EXPH5: variants seen among roughly 807,000 people sequenced by gnomAD.
EXPH5 encodes the protein exophilin 5.
In EXPH5, 42 loss-of-function variants were observed where a neutral mutation model predicts 41.1. The ratio of observed to expected loss-of-function variants is 1.02; its 90% CI spans 0.80 to 1.32. The LOEUF is 1.32. Among genes scored for constraint, EXPH5 ranks in the 40% most tolerant of loss-of-function variants. The pLI, the probability that EXPH5 is intolerant of heterozygous loss-of-function variation, is 0.00. For missense variants in EXPH5, 2,298 were observed against 2,314.5 expected, an observed-to-expected ratio of 0.99 and a Z score of 0.15; for synonymous variants, 798 against 833.5, an observed-to-expected ratio of 0.96 and a Z score of 0.73.
the EXPH5 span, among the ~76,000 whole-genome samples, chr11:108,600,340 C>G: frequency 6.6e-6 from 1 of 152,184 alleles, no homozygotes; most frequent in Non-Finnish European, 1.5e-5. Flanking sequence ...GTGGCTCCAA[C>G]TAAACCTGAA....
Position 108,510,258 on chromosome 11 carries a change from CT to C in EXPH5, c.5248del (p.Arg1750GlyfsTer3). The C allele has an allele frequency of 6.2e-7, 1 of 1,613,916 alleles. No homozygotes were observed. On this transcript the variant is annotated frameshift_variant, in exon 6 of 6. Coordinates refer to ENST00000265843, the MANE Select transcript of EXPH5 (RefSeq NM_015065.3). LOFTEE classifies it low-confidence loss of function (END_TRUNC). ...LREAEFSDNQ[R>X]RLSPPFPLEP... is the part of the protein sequence containing the mutation. ...CAGTGGAAAAGGAGGGCTCAGCCTC[CT>C]CTGATTGTCAGAGAATTCTGCTTCC...
chr11:108,581,986 G>A (rs1283736134), intron 1 of EXPH5, among the ~76,000 whole-genome samples: 3 of 152,116 alleles, frequency 2.0e-5, no homozygotes, highest in African/African-American at 7.2e-5. Flanking sequence ...CAAAGAAATT[G>A]AGCTCATAGT....
chr11:108,599,028 A>AG, the EXPH5 span, among the ~76,000 whole-genome samples: 2 of 150,950 alleles, frequency 1.3e-5, no homozygotes, highest in African/African-American at 2.4e-5. Context: ...CCTCCGGAAA[A>AG]AGAGACGGAG....
At chr11:108,543,040 T>C (rs1254718530) in intron 1 of EXPH5, among the ~76,000 whole-genome samples, 2 of 152,064 alleles carry the variant, frequency 1.3e-5, no homozygotes, top group Admixed American at 6.6e-5. Flanking sequence ...TCTTAGATAA[T>C]GAACTTCTTT....
chr11:108,591,306 G>T (rs955334695), intron 1 of EXPH5, among the ~76,000 whole-genome samples: 1 of 152,196 alleles, frequency 6.6e-6, no homozygotes, highest in Non-Finnish European at 1.5e-5. Context: ...AGGCAGCCAA[G>T]TTGCCATGTT....
At chr11:108,583,275 G>A (rs2094103869) in intron 1 of EXPH5, among the ~76,000 whole-genome samples, 1 of 151,824 alleles carries the variant, frequency 6.6e-6, no homozygotes, top group Non-Finnish European at 1.5e-5. Flanking sequence ...CCAAGTATTC[G>A]GGAGGCTGAG....
At chr11:108,580,616 T>G (rs1305967038) in intron 1 of EXPH5, among the ~76,000 whole-genome samples, 1 of 152,202 alleles carries the variant, frequency 6.6e-6, no homozygotes, top group Non-Finnish European at 1.5e-5. Flanking sequence ...CTATATTTAT[T>G]GCGGCACTAT....
chr11:108,511,067 C>T lies in EXPH5; in HGVS notation c.4440G>A (p.Gln1480=). 2 of 1,614,156 alleles carry T rather than the reference C, an allele frequency of 1.2e-6. No homozygotes were observed. Among genetic ancestry groups the T allele is most frequent in the Middle Eastern group, 1.6e-4 (1 of 6,062 alleles). ...CAATGTCCCCTCTGCCTTCCCTAGG[C>T]TGTGATCCACTGGAGCCATCACCTA... ...TAVGDGSSGS[Q]PREGRGDIGT... Residue 1480 remains glutamine, a synonymous_variant, in exon 6 of 6, where the codon CAG becomes CAA. Coordinates refer to ENST00000265843, the MANE Select transcript of EXPH5 (RefSeq NM_015065.3).
intron 1 of EXPH5, among the ~76,000 whole-genome samples, chr11:108,551,658 C>T (rs749589105): frequency 6.6e-6 from 1 of 152,120 alleles, no homozygotes; most frequent in Non-Finnish European, 1.5e-5. Context: ...GCACCCCAAT[C>T]TCTGTCAACC....
At chr11:108,606,297 G>A in the EXPH5 span, among the ~76,000 whole-genome samples, 3 of 152,102 alleles carry the variant, frequency 2.0e-5, no homozygotes, top group Non-Finnish European at 2.9e-5. Flanking sequence ...AGGCATGCCT[G>A]CCCAGACAGC....
intron 5 of EXPH5, 45 bp downstream of exon 5, chr11:108,518,189 CT>C: frequency 6.4e-7 from 1 of 1,567,872 alleles, no homozygotes; most frequent in Non-Finnish European, 8.7e-7. Context: ...TGTTTACTTC[CT>C]TTAGTTATCA....
chr11:108,514,200 G>A lies in EXPH5; in HGVS notation c.1307C>T (p.Ala436Val). Reference sequence around the variant, plus strand: ...GTTCTCAAAAGTGTCGGGACTCATTGCATTCTCCATGGGAGCATTTAAACT... The same window carrying A: ...GTTCTCAAAAGTGTCGGGACTCATTACATTCTCCATGGGAGCATTTAAACT... ...RVSLNAPMEN[A>V]MSPDTFENSE... The change falls in exon 6 of 6, where the codon GCA becomes GTA. Residue 436 changes from alanine to valine, a missense_variant. Coordinates refer to ENST00000265843, the MANE Select transcript of EXPH5 (RefSeq NM_015065.3). 2 of 1,614,184 alleles carry A rather than the reference G, an allele frequency of 1.2e-6. No individual in the cohort carries two copies. Among genetic ancestry groups the A allele is most frequent in the Non-Finnish European group, 1.7e-6 (2 of 1,180,012 alleles).
chr11:108,594,020 A>G (rs1440443780), upstream of EXPH5, among the ~76,000 whole-genome samples: 1 of 152,184 alleles, frequency 6.6e-6, no homozygotes, highest in East Asian at 1.9e-4. Context: ...GCAGAACTTG[A>G]GCTTGATTAG....
chr11:108,550,412 C>G (rs1434666036), intron 1 of EXPH5, among the ~76,000 whole-genome samples: 2 of 152,208 alleles, frequency 1.3e-5, no homozygotes, highest in African/African-American at 4.8e-5. Context: ...GCAACCCACC[C>G]AGCTGAGCCC....
chr11:108,520,723 T>G (rs563057437), intron 4 of EXPH5, among the ~76,000 whole-genome samples: 5 of 151,872 alleles, frequency 3.3e-5, no homozygotes, highest in Admixed American at 1.3e-4. Context: ...CACGCCACCA[T>G]GCCTGGCTAA....
intron 1 of EXPH5, among the ~76,000 whole-genome samples, chr11:108,569,875 T>C (rs924207268): frequency 1.3e-5 from 2 of 152,182 alleles, no homozygotes; most frequent in African/African-American, 4.8e-5. Context: ...TGTGAGGCAC[T>C]GGCAGGAGGG....
At chr11:108,590,166 A>G (rs1295133384) in intron 1 of EXPH5, among the ~76,000 whole-genome samples, 4 of 152,192 alleles carry the variant, frequency 2.6e-5, no homozygotes, top group Admixed American at 6.5e-5. Flanking sequence ...TCAACTTACA[A>G]CGTCACTAAC....
At chr11:108,589,737 T>C (rs2094122934) in intron 1 of EXPH5, among the ~76,000 whole-genome samples, 1 of 152,130 alleles carries the variant, frequency 6.6e-6, no homozygotes, top group Non-Finnish European at 1.5e-5. Flanking sequence ...CAAGAAATGG[T>C]TGTGAGGATT....
At chr11:108,544,491 A>G (rs960390402) in intron 1 of EXPH5, among the ~76,000 whole-genome samples, 4 of 152,208 alleles carry the variant, frequency 2.6e-5, no homozygotes, top group African/African-American at 4.8e-5. Context: ...AAAAATAATC[A>G]CAGTTCACTT....
Sources: gnomAD v4.1 joint callset for allele counts (sites outside exome capture counted in the v4.1 genomes callset) on GRCh38, gnomAD v4.1.1 for gene constraint, MANE v1.5 for transcripts, NCBI Gene and HGNC (gene_info 2026-07-23, HGNC 2026-07-21) for gene names.